The following CCDC102B variants were observed in gnomAD, a reference collection of about 807,000 sequenced individuals.
CCDC102B encodes coiled-coil domain-containing protein 102B.
In CCDC102B, 75 loss-of-function variants were observed where a neutral mutation model predicts 57.4. That is an observed-to-expected ratio of 1.31 (90% CI 1.08 to 1.58). The LOEUF is 1.58. Among genes scored for constraint, CCDC102B ranks in the 40% most tolerant of loss-of-function variants. CCDC102B has a pLI of 0.00. For synonymous variants in CCDC102B, 206 were observed against 201.9 expected (o/e 1.02, Z -0.17); for missense variants, 636 against 582.6 (o/e 1.09, Z -0.94).
chr18:68,750,197 C>G (rs1341390536), intron 2 of CCDC102B, among the ~76,000 whole-genome samples: 1 of 152,168 alleles, frequency 6.6e-6, no homozygotes, highest in African/African-American at 2.4e-5. Context: ...AAAAAATGTT[C>G]ATCATCACTA....
chr18:69,018,374 C>T (rs2051730136), intron 7 of CCDC102B, among the ~76,000 whole-genome samples: 1 of 152,110 alleles, frequency 6.6e-6, no homozygotes, highest in Non-Finnish European at 1.5e-5. Flanking sequence ...AATGGATATA[C>T]TAATTTAGAT....
chr18:69,048,762 C>T (rs1407134378), intron 7 of CCDC102B, among the ~76,000 whole-genome samples: 1 of 151,860 alleles, frequency 6.6e-6, no homozygotes, highest in Admixed American at 6.6e-5. Context: ...CAACTTAAAT[C>T]TATATAATTC....
intron 7 of CCDC102B, among the ~76,000 whole-genome samples, chr18:69,046,312 A>T (rs1297701751): frequency 6.6e-6 from 1 of 152,112 alleles, no homozygotes; most frequent in African/African-American, 2.4e-5. Context: ...ATAAGATGGT[A>T]TCTCATTGTG....
chr18:69,021,091 G>T (rs2051820837), intron 7 of CCDC102B, among the ~76,000 whole-genome samples: 1 of 152,178 alleles, frequency 6.6e-6, no homozygotes, highest in Non-Finnish European at 1.5e-5. Flanking sequence ...TGTCACAAAG[G>T]TGAAATTTTT....
At chr18:68,828,558 T>C (rs2037008861) in intron 1 of CCDC102B, among the ~76,000 whole-genome samples, 2 of 151,660 alleles carry the variant, frequency 1.3e-5, no homozygotes, top group South Asian at 4.2e-4. Flanking sequence ...AATGCTAATG[T>C]CAAATATTTG....
chr18:68,921,576 T>A (rs1466950175), intron 6 of CCDC102B, among the ~76,000 whole-genome samples: 3 of 152,158 alleles, frequency 2.0e-5, no homozygotes, highest in Non-Finnish European at 4.4e-5. Flanking sequence ...TATAGAAAAT[T>A]AAGGCAATCG....
chr18:68,889,525 T>C (rs540472867), intron 5 of CCDC102B, among the ~76,000 whole-genome samples: 2 of 152,302 alleles, frequency 1.3e-5, no homozygotes, highest in South Asian at 4.1e-4. Context: ...GTTCAAGCGA[T>C]TCTCCTGCCT....
chr18:69,003,101 A>AT (rs551006056), intron 6 of CCDC102B, among the ~76,000 whole-genome samples: 2 of 152,056 alleles, frequency 1.3e-5, no homozygotes, highest in South Asian at 4.2e-4. Flanking sequence ...GTCTCAAAAT[A>AT]TTTTTTTTCC....
chr18:68,931,032 C>A (rs1003601139), intron 6 of CCDC102B, among the ~76,000 whole-genome samples: 1 of 151,730 alleles, frequency 6.6e-6, no homozygotes, highest in East Asian at 1.9e-4. Context: ...GAGGCATGAT[C>A]AGTAAATCTT....
chr18:68,853,967 C>A (rs2038261974), intron 4 of CCDC102B, among the ~76,000 whole-genome samples: 1 of 152,146 alleles, frequency 6.6e-6, no homozygotes, highest in African/African-American at 2.4e-5. Flanking sequence ...CACTGTGAAC[C>A]CACCTGTGCA....
chr18:69,014,998 T>TGC (rs1043789192), intron 7 of CCDC102B, among the ~76,000 whole-genome samples: 1 of 151,424 alleles, frequency 6.6e-6, no homozygotes, highest in African/African-American at 2.4e-5. Context: ...TGTGTGTGTG[T>TGC]GTGTGAAAGA....
intron 6 of CCDC102B, among the ~76,000 whole-genome samples, chr18:69,003,901 TG>T (rs1044261907): frequency 1.3e-5 from 2 of 152,218 alleles, no homozygotes; most frequent in Admixed American, 1.3e-4. Flanking sequence ...TTTGATCATT[TG>T]CCTAGTTTTC....
chr18:68,766,812 GC>G (rs2034483348), intron 2 of CCDC102B, among the ~76,000 whole-genome samples: 2 of 152,108 alleles, frequency 1.3e-5, no homozygotes, highest in African/African-American at 2.4e-5. Flanking sequence ...AGAGGTAATA[GC>G]TCAGAGAAAG....
chr18:68,743,240 TAAATAAATA>T (rs2033473113), intron 2 of CCDC102B, among the ~76,000 whole-genome samples: 1 of 61,290 alleles, frequency 1.6e-5, no homozygotes, highest in Non-Finnish European at 5.6e-5. Context: ...AATAAATAAA[TAAATAAATA>T]AATAAAAAAT....
At chr18:68,930,906 G>A (rs1440960174) in intron 6 of CCDC102B, among the ~76,000 whole-genome samples, 3 of 151,696 alleles carry the variant, frequency 2.0e-5, no homozygotes, top group African/African-American at 4.8e-5. Flanking sequence ...GCAGTTACAC[G>A]AACACATACA....
At chr18:68,904,395 G>A (rs545948678) in intron 6 of CCDC102B, among the ~76,000 whole-genome samples, 9 of 152,156 alleles carry the variant, frequency 5.9e-5, no homozygotes, top group Non-Finnish European at 7.4e-5. Context: ...TAGGTCCTGC[G>A]TAAATTCATA....
At chr18:68,955,712 A>T (rs919292181) in intron 6 of CCDC102B, among the ~76,000 whole-genome samples, 2 of 152,054 alleles carry the variant, frequency 1.3e-5, no homozygotes, top group African/African-American at 4.8e-5. Flanking sequence ...CTGATGAAAG[A>T]AAGCCTTTAT....
chr18:68,941,797 A>C (rs1348251051), intron 6 of CCDC102B, among the ~76,000 whole-genome samples: 1 of 152,148 alleles, frequency 6.6e-6, no homozygotes, highest in Non-Finnish European at 1.5e-5. Flanking sequence ...CTCAGAATCC[A>C]GTATAACAAA....
chr18:68,797,810 A>G (rs1361397280), upstream of CCDC102B, among the ~76,000 whole-genome samples: 3 of 126,172 alleles, frequency 2.4e-5, no homozygotes, highest in Admixed American at 1.7e-4. Flanking sequence ...ATTACAAGTT[A>G]TACTGTTGTA....
Sources: gnomAD v4.1 joint callset for allele counts (sites outside exome capture counted in the v4.1 genomes callset) on GRCh38, gnomAD v4.1.1 for gene constraint, MANE v1.5 for transcripts, NCBI Gene and HGNC (gene_info 2026-07-23, HGNC 2026-07-21) for gene names.